The following RNF150 variants were observed in gnomAD, a reference collection of about 807,000 sequenced individuals.
RNF150 encodes the protein ring finger protein 150.
Under a neutral mutation model 39.3 loss-of-function variants are expected in RNF150, and 24 were observed. The observed-to-expected ratio is 0.61, with a 90% CI of 0.44 to 0.86. RNF150 has a LOEUF of 0.86. Among genes scored for constraint, RNF150 ranks in the 40% least tolerant of loss-of-function variants. RNF150 has a pLI of 0.00. For missense variants in RNF150, 502 were observed against 587.8 expected (o/e 0.85, Z 1.51); for synonymous variants, 255 against 227.3 (o/e 1.12, Z -1.10).
At chr4:141,094,965 A>G (rs1386162682) in intron 1 of RNF150, among the ~76,000 whole-genome samples, 1 of 152,262 alleles carries the variant, frequency 6.6e-6, no homozygotes, top group Non-Finnish European at 1.5e-5. Context: ...GAAAGCAGGA[A>G]AGAGTGCTGT....
At chr4:140,962,078 TCTA>T (rs1375817425) in intron 2 of RNF150, among the ~76,000 whole-genome samples, 1 of 149,860 alleles carries the variant, frequency 6.7e-6, no homozygotes, top group Non-Finnish European at 1.5e-5. Flanking sequence ...TCTCTCTCTC[TCTA>T]CTCTCTCTCT....
chr4:140,907,326 TAA>T (rs1318012548), intron 6 of RNF150, among the ~76,000 whole-genome samples: 1 of 152,326 alleles, frequency 6.6e-6, no homozygotes, highest in East Asian at 1.9e-4. Flanking sequence ...TCAGAAACAT[TAA>T]AAAATATGTA....
intron 1 of RNF150, among the ~76,000 whole-genome samples, chr4:141,041,259 T>C (rs1283117167): frequency 1.3e-5 from 2 of 152,156 alleles, no homozygotes; most frequent in African/African-American, 4.8e-5. Context: ...GTCCTATGCA[T>C]GTCTTATCTA....
intron 1 of RNF150, among the ~76,000 whole-genome samples, chr4:140,984,100 G>A (rs1050784832): frequency 2.0e-5 from 3 of 152,032 alleles, no homozygotes; most frequent in Non-Finnish European, 4.4e-5. Flanking sequence ...TTCCACTTGC[G>A]GTGTTATGTC....
At chr4:141,083,603 G>C (rs886310825) in intron 1 of RNF150, among the ~76,000 whole-genome samples, 1 of 152,074 alleles carries the variant, frequency 6.6e-6, no homozygotes, top group Non-Finnish European at 1.5e-5. Flanking sequence ...TGAGGACCCT[G>C]ATCAGTAGGA....
intron 1 of RNF150, among the ~76,000 whole-genome samples, chr4:141,001,775 T>C (rs995782831): frequency 3.3e-5 from 5 of 152,162 alleles, no homozygotes; most frequent in Non-Finnish European, 7.4e-5. Context: ...GAGTATTCTC[T>C]TTTTATTGGG....
intron 1 of RNF150, among the ~76,000 whole-genome samples, chr4:141,095,199 G>C (rs1738726106): frequency 6.6e-6 from 1 of 152,164 alleles, no homozygotes; most frequent in Admixed American, 6.5e-5. Context: ...AATTGTTGGA[G>C]GCCAAATGTG....
At chr4:141,075,368 C>T (rs1408204467) in intron 1 of RNF150, among the ~76,000 whole-genome samples, 2 of 152,160 alleles carry the variant, frequency 1.3e-5, no homozygotes, top group African/African-American at 2.4e-5. Flanking sequence ...CCTTGGTCTA[C>T]ACCAAAGTTG....
chr4:141,011,746 C>T (rs922204332), intron 1 of RNF150, among the ~76,000 whole-genome samples: 1 of 152,178 alleles, frequency 6.6e-6, no homozygotes, highest in African/African-American at 2.4e-5. Context: ...CTCTCCACTG[C>T]ATTCAACTCA....
At chr4:141,104,718 G>A (rs948717437) in intron 1 of RNF150, among the ~76,000 whole-genome samples, 15 of 152,210 alleles carry the variant, frequency 9.9e-5, no homozygotes, top group African/African-American at 3.4e-4. Context: ...GAAAAATAAT[G>A]ACTGCTGAAA....
At chr4:140,880,726 G>C (rs1298225479) in intron 6 of RNF150, among the ~76,000 whole-genome samples, 2 of 151,818 alleles carry the variant, frequency 1.3e-5, no homozygotes, top group Non-Finnish European at 2.9e-5. Flanking sequence ...TGATAGGTTG[G>C]TTGAAATTTC....
At chr4:140,882,136 C>T (rs1729397244) in intron 6 of RNF150, among the ~76,000 whole-genome samples, 1 of 151,920 alleles carries the variant, frequency 6.6e-6, no homozygotes, top group Non-Finnish European at 1.5e-5. Context: ...TCTTCTGCCT[C>T]AGCCTCCTGA....
chr4:141,043,375 C>T (rs1036982565), intron 1 of RNF150, among the ~76,000 whole-genome samples: 12 of 152,040 alleles, frequency 7.9e-5, no homozygotes, highest in African/African-American at 1.9e-4. Context: ...GAAGGAGTTT[C>T]GCTATTAATA....
rs1459736404 is a variant in RNF150, at chr4:140,861,752, A to G, written c.*6509T>C. On this transcript the variant is annotated 3_prime_UTR_variant, in exon 7 of 7. Transcript: ENST00000515673. ...TCTTATACATGAAAATTCTTTGGCT[A>G]TTTAAAATCTTCACATTCTCAAAGA... 5 of 152,222 alleles carry G rather than the reference A, an allele frequency of 3.3e-5. No homozygotes were observed. In the East Asian group the frequency reaches 9.6e-4, roughly 29 times the overall value. 9.4% of individuals were successfully genotyped at this position (152,222 alleles called of 1,614,324 possible). A position where few individuals can be genotyped will look rare whatever the true frequency, so the allele number is the denominator to read the frequency against.
intron 1 of RNF150, among the ~76,000 whole-genome samples, chr4:141,017,318 A>C (rs1477946815): frequency 6.6e-6 from 1 of 152,116 alleles, no homozygotes; most frequent in Non-Finnish European, 1.5e-5. Flanking sequence ...GACATCTTTT[A>C]AATTAATATA....
In RNF150 at chr4:141,041,853, C is replaced by A. The variant is rs572826538; in HGVS notation, c.485-73980G>T. 3.9e-5 allele frequency among the ~76,000 whole-genome samples: 6 copies of A among 152,042 alleles called. No homozygotes were observed. In the South Asian group the frequency reaches 1.2e-3, roughly 32 times the overall value. On this transcript the variant is annotated intron_variant, in intron 1 of 6. Transcript: ENST00000515673. ...AGACCATCTACAAAGCTACCATGAACGTATATATACCTAAATAACTAATTG... is the reference window on the plus strand; with the variant it reads ...AGACCATCTACAAAGCTACCATGAAAGTATATATACCTAAATAACTAATTG...
At chr4:140,899,974 C>CTCTCTCTGTGTGTGTGTGTG (rs1365683071) in intron 6 of RNF150, among the ~76,000 whole-genome samples, 106 of 69,182 alleles carry the variant, frequency 1.5e-3, no homozygotes, top group African/African-American at 4.4e-3. Flanking sequence ...CTCTCTCTCT[C>CTCTCTCTGTGTGTGTGTGTG]TGTGTGTGTG....
Position 140,921,497 on chromosome 4 carries a change from G to A in RNF150, c.987+4480C>T, listed in dbSNP as rs566496386. ...ATTAATAGCCCACCAACCAAAAAAA[G>A]TCCAGGACCAGATGGATTCACAGCC... On this transcript the variant is annotated intron_variant, in intron 5 of 6. Transcript: ENST00000515673. Among the ~76,000 whole-genome samples the A allele has an allele frequency of 7.9e-5, 12 of 152,156 alleles. No homozygotes were observed. The East Asian group carries it at 1.7e-3, about 22-fold the overall frequency.
intron 6 of RNF150, among the ~76,000 whole-genome samples, chr4:140,890,420 T>A (rs1033496153): frequency 6.6e-6 from 1 of 152,162 alleles, no homozygotes; most frequent in Non-Finnish European, 1.5e-5. Context: ...CCTGTACATG[T>A]GTTGTGTGCT....
Sources: gnomAD v4.1 joint callset for allele counts (sites outside exome capture counted in the v4.1 genomes callset) on GRCh38, gnomAD v4.1.1 for gene constraint, MANE v1.5 for transcripts, NCBI Gene and HGNC (gene_info 2026-07-23, HGNC 2026-07-21) for gene names.